Variants in PSEN1 observed in about 807,000 individuals in gnomAD.
PSEN1 encodes presenilin 1.
In PSEN1, 15 loss-of-function variants were observed where a neutral mutation model predicts 53.5. That is an observed-to-expected ratio of 0.28 (90% CI 0.19 to 0.43). The LOEUF (loss-of-function observed/expected upper bound fraction) is 0.43, where lower values mean the gene tolerates loss of function less well. PSEN1 is among the 20% of genes least tolerant of loss of function. The pLI, the probability that PSEN1 is intolerant of heterozygous loss-of-function variation, is 1.00. For synonymous variants in PSEN1, 208 were observed against 209.8 expected (o/e 0.99, Z 0.08); for missense variants, 387 against 571.2 (o/e 0.68, Z 3.29).
At chr14:73,191,748 G>T (rs188569354) in intron 6 of PSEN1, among the ~76,000 whole-genome samples, 3 of 152,114 alleles carry the variant, frequency 2.0e-5, no homozygotes, top group African/African-American at 7.2e-5. Flanking sequence ...GAGTCTCACT[G>T]TGTTGCCCAG....
At chr14:73,140,929 C>A (rs188558992) in intron 1 of PSEN1, among the ~76,000 whole-genome samples, 1 of 152,114 alleles carries the variant, frequency 6.6e-6, no homozygotes, top group Non-Finnish European at 1.5e-5. Flanking sequence ...ATGTGTGGAT[C>A]GGTGAGGGCA....
chr14:73,187,158 C>A (rs957616490), intron 6 of PSEN1, among the ~76,000 whole-genome samples: 6 of 152,100 alleles, frequency 3.9e-5, no homozygotes, highest in African/African-American at 7.2e-5. Context: ...TAATTCTAAG[C>A]CTTTTTGAAG....
In PSEN1 at chr14:73,211,913, G is replaced by T. The variant is rs1899703799; in HGVS notation, c.1100G>T (p.Ser367Ile). 2 of 1,613,794 alleles carry T rather than the reference G, an allele frequency of 1.2e-6. No homozygotes were observed. Among genetic ancestry groups the T allele is most frequent in the African/African-American group, 2.7e-5 (2 of 74,856 alleles). The change falls in exon 10 of 12, where the codon AGT becomes ATT. Residue 367 changes from serine (S) to isoleucine (I), a missense_variant. By Grantham distance (142) the Ser-to-Ile change is moderately radical (BLOSUM62 -2). Around this residue, in one of 4 missense-constraint regions of PSEN1, gnomAD observed 75 missense variants for 63.7 expected, o/e 1.18. Transcript: ENST00000324501. ...SRAAVQELSS[S>I]ILAGEDPEER... ...GCTGCTGTCCAGGAACTTTCCAGCAGTATCCTCGCTGGTGAAGACCCAGAG... is the reference window on the plus strand; with the variant it reads ...GCTGCTGTCCAGGAACTTTCCAGCATTATCCTCGCTGGTGAAGACCCAGAG...
intron 9 of PSEN1, among the ~76,000 whole-genome samples, chr14:73,209,103 G>A (rs1021872852): frequency 6.6e-6 from 1 of 152,244 alleles, no homozygotes; most frequent in African/African-American, 2.4e-5. Flanking sequence ...GCAGACGCAA[G>A]GGGCTTCCTG....
At chr14:73,173,140 A>C (rs1302826337) in intron 4 of PSEN1, among the ~76,000 whole-genome samples, 1 of 152,158 alleles carries the variant, frequency 6.6e-6, no homozygotes, top group Non-Finnish European at 1.5e-5. Context: ...TCCAGTTGCA[A>C]TTACTCTGCA....
intron 8 of PSEN1, among the ~76,000 whole-genome samples, chr14:73,205,238 A>G (rs1446599619): frequency 2.0e-5 from 3 of 152,132 alleles, no homozygotes; most frequent in Non-Finnish European, 2.9e-5. Flanking sequence ...GCACTTTGGG[A>G]GGCTGAGGCG....
chr14:73,170,849 C>G lies in PSEN1; in HGVS notation c.140C>G (p.Pro47Arg). ...AACGACAGACGGAGCCTTGGCCACC[C>G]TGAGCCATTATCTAATGGACGACCC... is the stretch of plus-strand genomic sequence containing the variant. The part of the protein sequence containing the change: ...EHNDRRSLGH[P>R]EPLSNGRPQG... The change falls in exon 4 of 12, where the codon CCT (proline) becomes CGT (arginine). Residue 47 changes from proline (P) to arginine (R), a missense_variant. Transcript: ENST00000324501. The G allele has an allele frequency of 6.2e-7, 1 of 1,614,210 alleles. No homozygotes were observed. The highest frequency in any genetic ancestry group is 8.5e-7 in the Non-Finnish European group (1 of 1,180,034).
chr14:73,176,879 C>T (rs535154650), intron 5 of PSEN1, among the ~76,000 whole-genome samples: 35 of 152,294 alleles, frequency 2.3e-4, no homozygotes, highest in Non-Finnish European at 4.4e-4. Context: ...ATAGCTATTA[C>T]GTAAGATTCC....
chr14:73,219,037 G>A, intron 11 of PSEN1, 97 bp from the exon 12 acceptor site: 1 of 1,296,400 alleles, frequency 7.7e-7, no homozygotes, highest in Non-Finnish European at 1.1e-6. Flanking sequence ...AAAATATTCA[G>A]TTAACTATGT....
chr14:73,199,460 A>G (rs1899088641), intron 8 of PSEN1, among the ~76,000 whole-genome samples: 1 of 152,226 alleles, frequency 6.6e-6, no homozygotes, highest in Non-Finnish European at 1.5e-5. Context: ...ATGTCAGCAC[A>G]TGAAATGGCT....
chr14:73,180,951 T>G (rs1000740013), intron 5 of PSEN1, among the ~76,000 whole-genome samples: 11 of 152,220 alleles, frequency 7.2e-5, no homozygotes, highest in Non-Finnish European at 1.2e-4. Flanking sequence ...ACACTTTGAT[T>G]TAGTAATTTT....
intron 7 of PSEN1, chr14:73,197,770 A>ATACACTG: frequency 2.1e-6 from 1 of 475,438 alleles, no homozygotes; most frequent in South Asian, 2.1e-5. Flanking sequence ...CCCAGTAACG[A>ATACACTG]TACACTGTAC....
At chr14:73,178,838 C>T (rs1898120311) in intron 5 of PSEN1, among the ~76,000 whole-genome samples, 1 of 152,064 alleles carries the variant, frequency 6.6e-6, no homozygotes, top group Non-Finnish European at 1.5e-5. Context: ...TCTGATTGGG[C>T]TAGGTCCAGC....
intron 3 of PSEN1, among the ~76,000 whole-genome samples, chr14:73,155,162 A>T (rs935829319): frequency 2.0e-5 from 3 of 152,226 alleles, no homozygotes; most frequent in Admixed American, 2.0e-4. Context: ...AATCTTTATC[A>T]TTAATTGCTT....
chr14:73,215,662 G>GAT (rs1457648396), intron 10 of PSEN1, among the ~76,000 whole-genome samples: 1 of 152,092 alleles, frequency 6.6e-6, no homozygotes, highest in Non-Finnish European at 1.5e-5. Flanking sequence ...ATACGAAGAC[G>GAT]ATAGCCCAAA....
intron 1 of PSEN1, chr14:73,137,088 C>G (rs1249279706): frequency 6.5e-6 from 1 of 152,940 alleles, no homozygotes; most frequent in African/African-American, 2.4e-5. Context: ...GCATGCATGT[C>G]CAGTGACTCT....
At chr14:73,219,035 C>A in intron 11 of PSEN1, 99 bp from the exon 12 acceptor site, 1 of 1,272,892 alleles carries the variant, frequency 7.9e-7, no homozygotes, top group Non-Finnish European at 1.1e-6. Flanking sequence ...GGAAAATATT[C>A]AGTTAACTAT....
chr14:73,178,166 T>A (rs1281275487), intron 5 of PSEN1, among the ~76,000 whole-genome samples: 1 of 151,464 alleles, frequency 6.6e-6, no homozygotes, highest in Non-Finnish European at 1.5e-5. Flanking sequence ...GTATTCCGCC[T>A]GCCTGGGCCT....
At chr14:73,194,759 G>A (rs1037041264) in intron 7 of PSEN1, among the ~76,000 whole-genome samples, 7 of 151,468 alleles carry the variant, frequency 4.6e-5, no homozygotes, top group East Asian at 3.9e-4. Flanking sequence ...TAGTAGAGAC[G>A]GGGTTTCACC....
Sources: gnomAD v4.1 joint callset for allele counts (sites outside exome capture counted in the v4.1 genomes callset) on GRCh38, gnomAD v4.1.1 for gene constraint, gnomAD v4.1.1 regional missense constraint, MANE v1.5 for transcripts, NCBI Gene and HGNC (gene_info 2026-07-23, HGNC 2026-07-21) for gene names.